Variants in THAP4 observed in about 807,000 individuals in gnomAD.
The protein encoded by THAP4 is peroxynitrite isomerase THAP4.
THAP4 carries 18 observed loss-of-function variants against 48.1 expected under a neutral mutation model. That is an observed-to-expected ratio of 0.37 (90% CI 0.26 to 0.56). The LOEUF is 0.56. Ranked by LOEUF, THAP4 falls within the 20% of genes least tolerant of loss-of-function variation. The pLI is 0.78. For synonymous variants in THAP4, 345 were observed against 324.9 expected, an observed-to-expected ratio of 1.06 and a Z score of -0.66; for missense variants, 656 against 774.9, an observed-to-expected ratio of 0.85 and a Z score of 1.82.
chr2:241,608,508 T>C (rs1032857850), intron 2 of THAP4, among the ~76,000 whole-genome samples: 1 of 151,992 alleles, frequency 6.6e-6, no homozygotes, highest in Admixed American at 6.5e-5. Context: ...AATTAGACAA[T>C]AAGAGAATTT....
At chr2:241,625,659 G>A (rs2067487007) in intron 2 of THAP4, among the ~76,000 whole-genome samples, 1 of 151,004 alleles carries the variant, frequency 6.6e-6, no homozygotes, top group Non-Finnish European at 1.5e-5. Context: ...TTAGCCGGGC[G>A]TCATGGCGGG....
intron 5 of THAP4, among the ~76,000 whole-genome samples, chr2:241,587,341 C>T (rs531455030): frequency 5.8e-4 from 88 of 152,290 alleles, no homozygotes; most frequent in African/African-American, 1.8e-3. Flanking sequence ...CCAGGCCCCC[C>T]GACCTTTGGA....
At chr2:241,594,554 A>C (rs941905936) in intron 5 of THAP4, 1 of 331,868 alleles carries the variant, frequency 3.0e-6, no homozygotes, top group Non-Finnish European at 6.0e-6. Context: ...GCAAGACCCC[A>C]TCTCTACTAA....
rs960207495 is a variant in THAP4, at chr2:241,601,058, C to A, written c.1614+838G>T. Among the ~76,000 whole-genome samples, 5 of 152,088 alleles carry A rather than the reference C, an allele frequency of 3.3e-5. No homozygotes were observed. The highest frequency in any genetic ancestry group is 1.2e-4 in the African/African-American group (5 of 41,404). On this transcript the variant is annotated intron_variant, in intron 5 of 5. Transcript: ENST00000407315. This position sits in a 1 kb window ranked among gnomAD's most constrained non-coding sequence, Gnocchi z 4.0. The stretch of plus-strand genomic sequence containing the variant: ...CTTTGGGAGGCTGAGGCGGGTGGAT[C>A]ACCTGAAGTCAGGAATTCAAGACCA...
At chr2:241,618,496 G>A (rs2067374642) in intron 2 of THAP4, among the ~76,000 whole-genome samples, 1 of 152,158 alleles carries the variant, frequency 6.6e-6, no homozygotes, top group Non-Finnish European at 1.5e-5. Context: ...TAAGCTTCCG[G>A]TTTCCACTCT....
At chr2:241,602,211 G>C in intron 4 of THAP4, 1 of 587,826 alleles carries the variant, frequency 1.7e-6, no homozygotes, top group Non-Finnish European at 3.0e-6. Flanking sequence ...CTCTATGGAA[G>C]GCCACCCTCT....
At chr2:241,609,527 C>T (rs1018122814) in intron 2 of THAP4, among the ~76,000 whole-genome samples, 10 of 152,204 alleles carry the variant, frequency 6.6e-5, no homozygotes, top group African/African-American at 2.2e-4. Context: ...CTCACTGAAC[C>T]TGTAATCCCA....
intron 2 of THAP4, among the ~76,000 whole-genome samples, chr2:241,621,878 A>C (rs2067432583): frequency 6.6e-6 from 1 of 152,164 alleles, no homozygotes; most frequent in South Asian, 2.1e-4. Flanking sequence ...AAAGGAAAAA[A>C]AATCCTTACA....
chr2:241,584,631 A>T lies in THAP4; in HGVS notation c.1709T>A (p.Val570Asp). The part of the protein sequence containing the change: ...TTQPMTQHLH[V>D]TYKKVTP ...TTACGGGGTCACCTTCTTGTAGGTG[A>T]CGTGAAGATGCTGAGTCATTGGCTG... The change falls in exon 6 of 6, where the codon GTC becomes GAC. Residue 570 changes from valine to aspartate, a missense_variant. Physicochemically the swap from Val to Asp is radical, Grantham distance 152. Coordinates refer to ENST00000407315, the MANE Select transcript of THAP4 (RefSeq NM_015963.6). 6.2e-7 allele frequency: 1 copy of T among 1,614,108 alleles called. No homozygotes were observed.
chr2:241,621,772 G>A (rs1369015443), intron 2 of THAP4, among the ~76,000 whole-genome samples: 1 of 151,984 alleles, frequency 6.6e-6, no homozygotes, highest in Non-Finnish European at 1.5e-5. Flanking sequence ...CACAGATCCA[G>A]GAAGCTCGGA....
At chr2:241,591,518 G>A (rs960381617) in intron 5 of THAP4, among the ~76,000 whole-genome samples, 11 of 152,192 alleles carry the variant, frequency 7.2e-5, no homozygotes, top group African/African-American at 2.7e-4. Context: ...GTGTGGTATT[G>A]GCACAGGGAC....
At chr2:241,596,183 A>C (rs993934085) in intron 5 of THAP4, among the ~76,000 whole-genome samples, 1 of 152,180 alleles carries the variant, frequency 6.6e-6, no homozygotes. Context: ...ATCCAGAACC[A>C]AAACAAACAA....
chr2:241,602,111 C>T, intron 4 of THAP4, 112 bp from the exon 5 acceptor site: 1 of 982,510 alleles, frequency 1.0e-6, no homozygotes, highest in Non-Finnish European at 1.5e-6. Flanking sequence ...AACTCTGCAG[C>T]TGTGGAAGCA....
intron 2 of THAP4, among the ~76,000 whole-genome samples, chr2:241,622,140 C>T (rs1439126643): frequency 6.6e-6 from 1 of 152,180 alleles, no homozygotes; most frequent in African/African-American, 2.4e-5. Context: ...GAGGCCAAGG[C>T]GGGTGGATCG....
rs535735947 is a variant in THAP4 at position 241,614,252 on chromosome 2, C to A, written c.1241-7779G>T. On this transcript the variant is annotated intron_variant, in intron 2 of 5. Transcript: ENST00000407315. ...GAGATGCACCTAAAATAAAGCAATT[C>A]AGAGAGAGAGTCCAGAAAGCTGGGC... 6.9e-4 allele frequency among the ~76,000 whole-genome samples: 105 copies of A among 151,882 alleles called. 2 individuals are homozygous for A. The South Asian group carries it at 0.022, about 31-fold the overall frequency.
intron 2 of THAP4, among the ~76,000 whole-genome samples, chr2:241,619,149 G>C (rs1359147452): frequency 6.6e-6 from 1 of 152,206 alleles, no homozygotes; most frequent in Admixed American, 6.5e-5. Flanking sequence ...ATCCTGGGTG[G>C]GAGTGGAAAG....
At chr2:241,608,357 C>T (rs2067215510) in intron 2 of THAP4, among the ~76,000 whole-genome samples, 1 of 152,180 alleles carries the variant, frequency 6.6e-6, no homozygotes, top group East Asian at 1.9e-4. Flanking sequence ...CCAGACTGGC[C>T]TGTGGTCTTT....
At chr2:241,636,916 G>A in intron 1 of THAP4, 25 bp downstream of exon 1, 1 of 1,216,606 alleles carries the variant, frequency 8.2e-7, no homozygotes, top group South Asian at 1.5e-5. Flanking sequence ...CGGGGCGGGG[G>A]CGTGGCGGCC....
intron 2 of THAP4, among the ~76,000 whole-genome samples, chr2:241,632,307 C>T (rs1177758386): frequency 5.3e-5 from 8 of 152,030 alleles, no homozygotes; most frequent in African/African-American, 1.9e-4. Context: ...ACCATATTGG[C>T]CAGGGTGGTC....
Sources: allele counts gnomAD v4.1 joint callset (sites outside exome capture counted in the v4.1 genomes callset), GRCh38; gene constraint gnomAD v4.1.1; non-coding constraint Gnocchi (gnomAD v3.1); transcripts MANE v1.5; gene names NCBI Gene and HGNC (gene_info 2026-07-23, HGNC 2026-07-21).